CDC42SE2: variants seen among roughly 807,000 people sequenced by gnomAD.
The protein encoded by CDC42SE2 is CDC42 small effector protein 2.
Under a neutral mutation model 11.5 loss-of-function variants are expected in CDC42SE2, and 3 were observed. The ratio of observed to expected loss-of-function variants is 0.26; its 90% CI spans 0.12 to 0.67. The LOEUF is 0.67. CDC42SE2 is among the 30% of genes least tolerant of loss of function. CDC42SE2 has a pLI of 0.80. For missense variants in CDC42SE2, 82 were observed against 106.8 expected (o/e 0.77, Z 1.02); for synonymous variants, 33 against 34.8 (o/e 0.95, Z 0.18).
chr5:131,273,188 C>T (rs1476123046), intron 1 of CDC42SE2, among the ~76,000 whole-genome samples: 1 of 144,424 alleles, frequency 6.9e-6, no homozygotes, highest in Non-Finnish European at 1.5e-5. Flanking sequence ...TAGAGTCTTG[C>T]TCTGTTGCCC....
At chr5:131,343,965 A>G (rs1197621770) in intron 2 of CDC42SE2, among the ~76,000 whole-genome samples, 3 of 152,200 alleles carry the variant, frequency 2.0e-5, no homozygotes, top group African/African-American at 4.8e-5. Context: ...GTCCCCTACC[A>G]TAATAATGGA....
intron 2 of CDC42SE2, among the ~76,000 whole-genome samples, chr5:131,256,145 T>C (rs973291259): frequency 6.6e-6 from 1 of 152,204 alleles, no homozygotes; most frequent in African/African-American, 2.4e-5. Context: ...AGCTTGTTAC[T>C]TCAAAATAAT....
chr5:131,346,489 C>T (rs1027900032), intron 2 of CDC42SE2, among the ~76,000 whole-genome samples: 2 of 152,080 alleles, frequency 1.3e-5, no homozygotes, highest in Non-Finnish European at 2.9e-5. Flanking sequence ...ACAGGAGTAC[C>T]CAGATTCATA....
intron 2 of CDC42SE2, among the ~76,000 whole-genome samples, chr5:131,358,043 C>G (rs993521253): frequency 3.3e-5 from 5 of 152,180 alleles, no homozygotes; most frequent in Admixed American, 6.6e-5. Context: ...GTAGACTTCT[C>G]TTTTTCTACC....
chr5:131,271,128 A>G (rs996467272), intron 1 of CDC42SE2, among the ~76,000 whole-genome samples: 5 of 152,210 alleles, frequency 3.3e-5, no homozygotes, highest in African/African-American at 1.2e-4. Context: ...CTCCAGCTCC[A>G]ATTTAGCCTT....
At chr5:131,314,521 A>G (rs970195201) in intron 1 of CDC42SE2, among the ~76,000 whole-genome samples, 3 of 152,120 alleles carry the variant, frequency 2.0e-5, no homozygotes, top group Admixed American at 2.0e-4. Context: ...GATTATACAT[A>G]TGAGCCACCG....
At chr5:131,365,172 C>A (rs540540924) in intron 3 of CDC42SE2, among the ~76,000 whole-genome samples, 1 of 152,046 alleles carries the variant, frequency 6.6e-6, no homozygotes, top group Non-Finnish European at 1.5e-5. Flanking sequence ...TGCCTGTAAT[C>A]CCAGCTACTC....
chr5:131,305,622 A>G (rs905841339), intron 1 of CDC42SE2, among the ~76,000 whole-genome samples: 1 of 152,122 alleles, frequency 6.6e-6, no homozygotes, highest in African/African-American at 2.4e-5. Context: ...CTTGCTATTC[A>G]GTTTGAGTTC....
At chr5:131,291,195 T>C (rs1243715095) in intron 1 of CDC42SE2, among the ~76,000 whole-genome samples, 1 of 152,200 alleles carries the variant, frequency 6.6e-6, no homozygotes, top group Non-Finnish European at 1.5e-5. Context: ...GTTTATATAA[T>C]GAAGGTGAAT....
At chr5:131,345,987 C>T (rs570406796) in intron 2 of CDC42SE2, among the ~76,000 whole-genome samples, 1 of 152,316 alleles carries the variant, frequency 6.6e-6, no homozygotes, top group Non-Finnish European at 1.5e-5. Flanking sequence ...CTTACAAGAG[C>T]TCCTGAAGGA....
intron 3 of CDC42SE2, among the ~76,000 whole-genome samples, chr5:131,374,769 C>T (rs1750105368): frequency 6.6e-6 from 1 of 151,924 alleles, no homozygotes; most frequent in Non-Finnish European, 1.5e-5. Context: ...ATATGACTTG[C>T]TTTGAAACAC....
chr5:131,214,285 C>T, the CDC42SE2 span, among the ~76,000 whole-genome samples: 1 of 152,090 alleles, frequency 6.6e-6, no homozygotes, highest in Admixed American at 6.5e-5. Flanking sequence ...ATTCCTTGAG[C>T]CCAGGGAGTT....
chr5:131,234,508 C>T, the CDC42SE2 span, among the ~76,000 whole-genome samples: 3 of 151,488 alleles, frequency 2.0e-5, no homozygotes, highest in East Asian at 1.9e-4. Flanking sequence ...CAGTGGCGGG[C>T]GCCTGTAATC....
chr5:131,364,369 G>A (rs1186496291), intron 3 of CDC42SE2, among the ~76,000 whole-genome samples: 1 of 152,196 alleles, frequency 6.6e-6, no homozygotes, highest in Admixed American at 6.5e-5. Context: ...AGTAGTAAGT[G>A]CAAGGTTGGG....
intron 1 of CDC42SE2, among the ~76,000 whole-genome samples, chr5:131,267,552 G>A (rs1756896130): frequency 6.6e-6 from 1 of 152,014 alleles, no homozygotes; most frequent in Admixed American, 6.6e-5. Context: ...TCATTTTTTT[G>A]TAAGACCTTT....
intron 3 of CDC42SE2, among the ~76,000 whole-genome samples, chr5:131,361,947 G>A (rs908523963): frequency 6.6e-6 from 1 of 152,084 alleles, no homozygotes; most frequent in South Asian, 2.1e-4. Flanking sequence ...TGCTCCTCTC[G>A]ACGTTTGGCT....
intron 2 of CDC42SE2, among the ~76,000 whole-genome samples, chr5:131,330,569 G>GA (rs567870323): frequency 1.1e-3 from 162 of 152,250 alleles, no homozygotes; most frequent in African/African-American, 3.8e-3. Context: ...CCAACTGGGG[G>GA]AATCACTCTC....
intron 1 of CDC42SE2, among the ~76,000 whole-genome samples, chr5:131,253,825 TC>T (rs1252303628): frequency 6.6e-6 from 1 of 152,222 alleles, no homozygotes; most frequent in East Asian, 1.9e-4. Context: ...AGGAAACTTT[TC>T]TTCCTCACTA....
chr5:131,337,085 G>C (rs1488406477), intron 2 of CDC42SE2, among the ~76,000 whole-genome samples: 10 of 152,072 alleles, frequency 6.6e-5, no homozygotes, highest in South Asian at 4.2e-4. Flanking sequence ...TGTTTTTTCC[G>C]CATCTTTGTG....
Sources: allele counts gnomAD v4.1 joint callset (sites outside exome capture counted in the v4.1 genomes callset), GRCh38; gene constraint gnomAD v4.1.1; transcripts MANE v1.5; gene names NCBI Gene and HGNC (gene_info 2026-07-23, HGNC 2026-07-21).